The following ATP8A1 variants were observed in gnomAD, a reference collection of about 807,000 sequenced individuals.
ATP8A1 encodes phospholipid-transporting ATPase IA.
In ATP8A1, 90 loss-of-function variants were observed where a neutral mutation model predicts 177.7. The ratio of observed to expected loss-of-function variants is 0.51; its 90% CI spans 0.43 to 0.60. The LOEUF is 0.60. Ranked by LOEUF, ATP8A1 falls within the 20% of genes least tolerant of loss-of-function variation. The pLI is 0.00. For missense variants in ATP8A1, 1,072 were observed against 1,392.8 expected, an observed-to-expected ratio of 0.77 and a Z score of 3.67; for synonymous variants, 493 against 485.9, an observed-to-expected ratio of 1.01 and a Z score of -0.19.
At chr4:42,451,266 G>A (rs1399476945) in intron 30 of ATP8A1, among the ~76,000 whole-genome samples, 1 of 152,168 alleles carries the variant, frequency 6.6e-6, no homozygotes, top group Admixed American at 6.5e-5. Context: ...ATAAAGGACT[G>A]ACAATTCCTT....
intron 33 of ATP8A1, among the ~76,000 whole-genome samples, chr4:42,439,977 C>G (rs1413567733): frequency 1.3e-5 from 2 of 152,178 alleles, no homozygotes; most frequent in Non-Finnish European, 2.9e-5. Context: ...CCTAACTTCT[C>G]TGTGCCTCAA....
At chr4:42,517,370 G>A (rs1018278063) in intron 22 of ATP8A1, among the ~76,000 whole-genome samples, 1 of 151,046 alleles carries the variant, frequency 6.6e-6, no homozygotes, top group Non-Finnish European at 1.5e-5. Context: ...CTAAAATTAT[G>A]AGTCCTAATA....
intron 5 of ATP8A1, among the ~76,000 whole-genome samples, chr4:42,615,214 T>C (rs1736781537): frequency 6.6e-6 from 1 of 152,196 alleles, no homozygotes; most frequent in African/African-American, 2.4e-5. Flanking sequence ...TCCTTAAATG[T>C]ATTAAAAATT....
intron 33 of ATP8A1, among the ~76,000 whole-genome samples, chr4:42,436,229 T>A (rs1715979793): frequency 6.6e-6 from 1 of 151,952 alleles, no homozygotes; most frequent in African/African-American, 2.4e-5. Context: ...TGCCCCACCA[T>A]TAAACAAAGG....
intron 22 of ATP8A1, among the ~76,000 whole-genome samples, chr4:42,512,940 T>C (rs1406983101): frequency 6.6e-6 from 1 of 152,212 alleles, no homozygotes; most frequent in Non-Finnish European, 1.5e-5. Context: ...GGGCCATATA[T>C]TCTCTGTTGC....
intron 29 of ATP8A1, among the ~76,000 whole-genome samples, chr4:42,454,824 T>C (rs1156346471): frequency 6.6e-6 from 1 of 152,150 alleles, no homozygotes; most frequent in African/African-American, 2.4e-5. Context: ...ACACAATCAA[T>C]CTAAAATTCT....
Position 42,581,734 on chromosome 4 carries a change from T to C in ATP8A1, c.723-2A>G. On this transcript the variant is annotated splice_acceptor_variant, in intron 9 of 36. Coordinates refer to ENST00000381668, the MANE Select transcript of ATP8A1 (RefSeq NM_006095.2). LOFTEE classifies it high-confidence loss of function. Reference sequence around the variant, plus strand: ...TGATCTGCTCCCAGTGGAACGGTGCTAGGACAGATTACGTTGACATTAGAA... The same window carrying C: ...TGATCTGCTCCCAGTGGAACGGTGCCAGGACAGATTACGTTGACATTAGAA... 1 of 1,605,408 alleles carries C rather than the reference T, an allele frequency of 6.2e-7. No individual in the cohort carries two copies.
chr4:42,438,661 A>C (rs1346476524), intron 33 of ATP8A1, among the ~76,000 whole-genome samples: 8 of 152,058 alleles, frequency 5.3e-5, no homozygotes, highest in Non-Finnish European at 8.8e-5. Flanking sequence ...AAAAGCGGGG[A>C]AATGGCAGAT....
At position 42,466,559 on chromosome 4, in the gene ATP8A1, T is replaced by A. The variant is rs143937923; in HGVS notation, c.2325-1483A>T. Among the ~76,000 whole-genome samples, 722 of 152,304 alleles carry A rather than the reference T, an allele frequency of 4.7e-3. 6 individuals are homozygous for A. Among genetic ancestry groups the A allele is most frequent in the African/African-American group, 0.016 (654 of 41,548 alleles). ...GTGAGCTGCCTGTAAAGTCAATTGG[T>A]CTCCTCTTCTTTGTATTTTTAGTGC... On this transcript the variant is annotated intron_variant, in intron 25 of 36. Coordinates refer to ENST00000381668, the MANE Select transcript of ATP8A1 (RefSeq NM_006095.2).
chr4:42,449,709 G>A (rs903142983), intron 30 of ATP8A1, among the ~76,000 whole-genome samples: 3 of 152,164 alleles, frequency 2.0e-5, no homozygotes, highest in African/African-American at 4.8e-5. Context: ...GAAAGCAAAT[G>A]TTCCCTAGTC....
At chr4:42,460,617 G>A (rs1447565376) in intron 27 of ATP8A1, among the ~76,000 whole-genome samples, 1 of 152,114 alleles carries the variant, frequency 6.6e-6, no homozygotes, top group South Asian at 2.1e-4. Flanking sequence ...TCGAACTCCC[G>A]ACCTTGTGAT....
intron 15 of ATP8A1, among the ~76,000 whole-genome samples, chr4:42,568,145 G>A (rs1349077790): frequency 6.6e-6 from 1 of 152,084 alleles, no homozygotes; most frequent in Non-Finnish European, 1.5e-5. Flanking sequence ...CAAAATGTAC[G>A]ACACTCCAAG....
At chr4:42,599,685 A>G (rs1735054873) in intron 6 of ATP8A1, among the ~76,000 whole-genome samples, 1 of 152,162 alleles carries the variant, frequency 6.6e-6, no homozygotes, top group Non-Finnish European at 1.5e-5. Flanking sequence ...GTGCAAATAA[A>G]CTGTTGGTTA....
chr4:42,476,141 A>C (rs73235581), intron 25 of ATP8A1, among the ~76,000 whole-genome samples: 25,518 of 152,228 alleles, frequency 0.17, 2,392 homozygotes, highest in South Asian at 0.24. Context: ...GTTCCTGAGC[A>C]CTACAGCACA....
rs1371057773 is a variant in ATP8A1 at position 42,510,206 on chromosome 4, TGTATA to T, written c.1948-3057_1948-3053del. On this transcript the variant is annotated intron_variant, in intron 22 of 36. Transcript: ENST00000381668. ...ACACACTTGATGCATGACTTCTTAG[TGTATA>T]ATATATAATACAGGAAGGTAAATTT... Among the ~76,000 whole-genome samples the T allele has an allele frequency of 3.3e-5, 5 of 152,356 alleles. No homozygotes were observed. The East Asian group carries it at 9.6e-4, about 29-fold the overall frequency.
chr4:42,524,154 T>C (rs913337642), intron 21 of ATP8A1, among the ~76,000 whole-genome samples: 1 of 152,288 alleles, frequency 6.6e-6, no homozygotes, highest in African/African-American at 2.4e-5. Flanking sequence ...CTCTAGACTA[T>C]GTACTGCTTT....
intron 25 of ATP8A1, among the ~76,000 whole-genome samples, chr4:42,469,271 A>T (rs1720133917): frequency 6.6e-6 from 1 of 152,204 alleles, no homozygotes; most frequent in Non-Finnish European, 1.5e-5. Flanking sequence ...AAGAAGTACA[A>T]CAGGAATAAA....
intron 30 of ATP8A1, 76 bp from the exon 31 acceptor site, chr4:42,446,720 T>A: frequency 3.6e-6 from 5 of 1,403,272 alleles, no homozygotes; most frequent in Non-Finnish European, 5.0e-6. Context: ...TTCAGAAAGT[T>A]TGAACGAAGG....
chr4:42,414,630 G>A lies in ATP8A1; in HGVS notation c.3394C>T (p.Leu1132Phe). The A allele has an allele frequency of 6.2e-7, 1 of 1,613,052 alleles. No homozygotes were observed. Among genetic ancestry groups the A allele is most frequent in the African/African-American group, 1.3e-5 (1 of 75,002 alleles). The change falls in exon 36 of 37, where the codon CTC (leucine) becomes TTC (phenylalanine). Residue 1132 changes from leucine to phenylalanine, a missense_variant. Transcript: ENST00000381668. ...AATAAGAAACTCAAATACTCACGGA[G>A]CAGATTTTGTTGCAAGGATTCAGAG... ...YRSESLQQNL[L>F]HGYAFSQDEN... is the part of the protein sequence containing the mutation.
Sources: allele counts gnomAD v4.1 joint callset (sites outside exome capture counted in the v4.1 genomes callset), GRCh38; gene constraint gnomAD v4.1.1; transcripts MANE v1.5; gene names NCBI Gene and HGNC (gene_info 2026-07-23, HGNC 2026-07-21).